CELF2: variants seen among roughly 807,000 people sequenced by gnomAD.
The protein encoded by CELF2 is CUG triplet repeat RNA-binding protein 2.
In CELF2, 8 loss-of-function variants were observed where a neutral mutation model predicts 62.6. The ratio of observed to expected loss-of-function variants is 0.13; its 90% CI spans 0.07 to 0.23. The LOEUF (loss-of-function observed/expected upper bound fraction) is 0.23. Among genes scored for constraint, CELF2 ranks in the 10% least tolerant of loss-of-function variants. The probability of loss-of-function intolerance (pLI) is 1.00; values close to 1 mark genes in which losing one functional copy is unlikely to be tolerated. For synonymous variants in CELF2, 258 were observed against 250.0 expected (o/e 1.03, Z -0.30); for missense variants, 333 against 671.0 (o/e 0.50, Z 5.56).
chr10:10,650,087 G>A, the CELF2 span, among the ~76,000 whole-genome samples: 894 of 152,282 alleles, frequency 5.9e-3, 2 homozygotes, highest in Non-Finnish European at 8.2e-3. Context: ...TTGATGCTCC[G>A]CAGATGCTGG....
intron 5 of CELF2, among the ~76,000 whole-genome samples, chr10:11,264,701 G>A (rs2081659302): frequency 6.6e-6 from 1 of 152,210 alleles, no homozygotes; most frequent in Admixed American, 6.5e-5. Flanking sequence ...AGCCAGTGGA[G>A]GTCCTGTCCT....
At chr10:10,965,347 A>G (rs551879390) in intron 2 of CELF2, among the ~76,000 whole-genome samples, 1 of 152,264 alleles carries the variant, frequency 6.6e-6, no homozygotes, top group South Asian at 2.1e-4. Flanking sequence ...CTATTTTTGG[A>G]TTCTCCCCAG....
chr10:10,960,363 G>A (rs2049355916), intron 2 of CELF2: 1 of 152,136 alleles, frequency 6.6e-6, no homozygotes, highest in African/African-American at 2.4e-5. Flanking sequence ...CCAACTGACT[G>A]GTATTCACAT....
chr10:10,604,825 G>C, the CELF2 span, among the ~76,000 whole-genome samples: 4 of 152,120 alleles, frequency 2.6e-5, no homozygotes, highest in Non-Finnish European at 5.9e-5. Flanking sequence ...TCTGTTCTTT[G>C]AATATGTATA....
chr10:10,488,278 A>G, the CELF2 span, among the ~76,000 whole-genome samples: 1 of 152,186 alleles, frequency 6.6e-6, no homozygotes, highest in Non-Finnish European at 1.5e-5. Context: ...CTAGTGAAAG[A>G]GTTGAAAACA....
chr10:10,837,773 CA>C (rs1400376902), intron 1 of CELF2, among the ~76,000 whole-genome samples: 1 of 152,138 alleles, frequency 6.6e-6, no homozygotes, highest in Non-Finnish European at 1.5e-5. Context: ...TGGCAAAGTG[CA>C]AGATCCTGAC....
rs1288935560 is a variant in CELF2 at position 11,178,589 on chromosome 10, G to A, written c.271+12907G>A. On this transcript the variant is annotated intron_variant, in intron 2 of 12. Coordinates refer to ENST00000633077, the MANE Select transcript of CELF2 (RefSeq NM_001326342.2). The surrounding 1 kb of genome is among the most constrained non-coding windows in gnomAD (Gnocchi z 4.3). ...GAGTATAGTTTTTTAAGTGGGACATGTCAGGCTTTTATGCCACAGATTAAA... is the reference window on the plus strand; with the variant it reads ...GAGTATAGTTTTTTAAGTGGGACATATCAGGCTTTTATGCCACAGATTAAA... Among the ~76,000 whole-genome samples, 1 of 152,242 alleles carries A rather than the reference G, an allele frequency of 6.6e-6. No individual in the cohort carries two copies. The highest frequency in any genetic ancestry group is 6.5e-5 in the Admixed American group (1 of 15,292).
At chr10:10,962,592 A>T (rs560625724) in intron 2 of CELF2, among the ~76,000 whole-genome samples, 1 of 152,278 alleles carries the variant, frequency 6.6e-6, no homozygotes, top group Admixed American at 6.5e-5. Flanking sequence ...ATGGTGGTGC[A>T]CACACCCCTG....
intron 2 of CELF2, among the ~76,000 whole-genome samples, chr10:11,192,172 G>A (rs1024368845): frequency 1.3e-5 from 2 of 152,214 alleles, no homozygotes; most frequent in Non-Finnish European, 2.9e-5. Flanking sequence ...CTTGCGTTCA[G>A]TCATGGTTGA....
In CELF2 at chr10:10,928,721, G is replaced by C. The variant is rs1238824806; in HGVS notation, c.89+8722G>C. On this transcript the variant is annotated intron_variant, in intron 2 of 13. Transcript: ENST00000636488. This position sits in a 1 kb window ranked among gnomAD's most constrained non-coding sequence, Gnocchi z 4.8. ...GAAGAGATTTATGTTCCTTCTGTTG[G>C]TTCCCAAAGACCCCAGTTTTAACCC... Among the ~76,000 whole-genome samples the C allele has an allele frequency of 6.6e-6, 1 of 152,014 alleles. No homozygotes were observed. Among genetic ancestry groups the C allele is most frequent in the African/African-American group, 2.4e-5 (1 of 41,380 alleles).
At chr10:11,197,103 C>T (rs1228068634) in intron 2 of CELF2, among the ~76,000 whole-genome samples, 1 of 138,150 alleles carries the variant, frequency 7.2e-6, no homozygotes, top group Non-Finnish European at 1.6e-5. Flanking sequence ...AGAAGGGTTC[C>T]CATTGTTCTC....
chr10:10,877,128 C>T (rs1214665200), intron 1 of CELF2, among the ~76,000 whole-genome samples: 13 of 152,192 alleles, frequency 8.5e-5, no homozygotes, highest in Admixed American at 1.3e-4. Flanking sequence ...GAGGCCACTG[C>T]GGTAATCTGG....
chr10:10,610,940 A>C, the CELF2 span, among the ~76,000 whole-genome samples: 2 of 152,202 alleles, frequency 1.3e-5, no homozygotes, highest in Non-Finnish European at 2.9e-5. Flanking sequence ...AGATGGAAGT[A>C]AAATGACCCC....
intron 1 of CELF2, among the ~76,000 whole-genome samples, chr10:11,164,847 G>C (rs1307066304): frequency 6.6e-6 from 1 of 152,128 alleles, no homozygotes; most frequent in East Asian, 1.9e-4. Flanking sequence ...TGCATAGCTG[G>C]ACCGCTTTCC....
the CELF2 span, among the ~76,000 whole-genome samples, chr10:10,680,439 C>T: frequency 3.3e-5 from 5 of 152,138 alleles, no homozygotes; most frequent in African/African-American, 4.8e-5. Flanking sequence ...GTTCCAAGAG[C>T]GAGGCTTCTA....
chr10:10,583,871 A>G, the CELF2 span, among the ~76,000 whole-genome samples: 1 of 152,184 alleles, frequency 6.6e-6, no homozygotes, highest in Non-Finnish European at 1.5e-5. Context: ...TCAAATGTGC[A>G]ACCTTGAGAG....
the CELF2 span, among the ~76,000 whole-genome samples, chr10:10,630,080 T>C: frequency 6.6e-6 from 1 of 152,088 alleles, no homozygotes; most frequent in Non-Finnish European, 1.5e-5. Flanking sequence ...CTGCTTTTGT[T>C]TGTTATTTTT....
At chr10:10,904,564 T>C (rs1216943049) in intron 1 of CELF2, among the ~76,000 whole-genome samples, 1 of 152,116 alleles carries the variant, frequency 6.6e-6, no homozygotes, top group Non-Finnish European at 1.5e-5. Context: ...TCTACCTCAT[T>C]CTTTCTAACC....
Position 11,039,986 on chromosome 10 carries a change from T to A in CELF2, c.74+21823T>A, listed in dbSNP as rs574012910. ...GTATTGATTATCTTTATGTGGACCA[T>A]GACAAATTGATTTTTTAATTGAGAC... On this transcript the variant is annotated intron_variant, in intron 1 of 12. Coordinates refer to ENST00000633077, the MANE Select transcript of CELF2 (RefSeq NM_001326342.2). The surrounding 1 kb of genome is among the most constrained non-coding windows in gnomAD (Gnocchi z 4.1). 6.6e-6 allele frequency among the ~76,000 whole-genome samples: 1 copy of A among 152,232 alleles called. No individual in the cohort carries two copies. The highest frequency in any genetic ancestry group is 1.9e-4 in the East Asian group (1 of 5,204).
Sources: gnomAD v4.1 joint callset for allele counts (sites outside exome capture counted in the v4.1 genomes callset) on GRCh38, gnomAD v4.1.1 for gene constraint, Gnocchi (gnomAD v3.1) non-coding constraint, MANE v1.5 for transcripts, NCBI Gene and HGNC (gene_info 2026-07-23, HGNC 2026-07-21) for gene names.